ARHGAP32: variants seen among roughly 807,000 people sequenced by gnomAD.
ARHGAP32 encodes the protein rho GTPase-activating protein 32.
Under a neutral mutation model 186.5 loss-of-function variants are expected in ARHGAP32, and 51 were observed. That is an observed-to-expected ratio of 0.27 (90% confidence interval 0.22 to 0.35). The LOEUF is 0.35. Ranked by LOEUF, ARHGAP32 falls within the 10% of genes least tolerant of loss-of-function variation. ARHGAP32 has a pLI of 1.00. For missense variants in ARHGAP32, 2,186 were observed against 2,623.5 expected (o/e 0.83, Z 3.64); for synonymous variants, 950 against 964.3 (o/e 0.99, Z 0.27).
intron 2 of ARHGAP32, among the ~76,000 whole-genome samples, chr11:129,156,949 G>C (rs558497510): frequency 6.6e-6 from 1 of 152,248 alleles, no homozygotes; most frequent in East Asian, 1.9e-4. Context: ...GTCTGGAGTG[G>C]ACATACAGAA....
intron 19 of ARHGAP32, 51 bp downstream of exon 19, chr11:128,978,719 A>G (rs1171927399): frequency 6.4e-7 from 1 of 1,556,666 alleles, no homozygotes; most frequent in African/African-American, 1.4e-5. Context: ...GCCCAGAACA[A>G]CCGAAGACCA....
intron 10 of ARHGAP32, among the ~76,000 whole-genome samples, chr11:129,042,670 C>T (rs1443348001): frequency 1.3e-5 from 2 of 152,088 alleles, no homozygotes; most frequent in African/African-American, 4.8e-5. Context: ...AGTCTCAGGT[C>T]GTAAATTAAA....
chr11:129,076,132 TAAC>T (rs1262201534), intron 6 of ARHGAP32, among the ~76,000 whole-genome samples: 8 of 152,238 alleles, frequency 5.3e-5, no homozygotes, highest in African/African-American at 1.9e-4. Context: ...ACAAATGAGA[TAAC>T]AACGTCAAGA....
intron 1 of ARHGAP32, among the ~76,000 whole-genome samples, chr11:129,226,158 C>G (rs149831592): frequency 7.7e-4 from 117 of 152,190 alleles, no homozygotes; most frequent in African/African-American, 2.7e-3. Flanking sequence ...AACTGTAGGA[C>G]ACCATCAAGC....
At chr11:129,008,209 T>G (rs1463874005) in intron 11 of ARHGAP32, among the ~76,000 whole-genome samples, 1 of 152,088 alleles carries the variant, frequency 6.6e-6, no homozygotes, top group East Asian at 1.9e-4. Context: ...TGATTTTTGG[T>G]TTCTTTGAGG....
chr11:129,100,964 T>G (rs1245776610), intron 5 of ARHGAP32, among the ~76,000 whole-genome samples: 1 of 152,188 alleles, frequency 6.6e-6, no homozygotes, highest in Admixed American at 6.5e-5. Context: ...CACCACACTA[T>G]GAAATGCTTT....
rs202110152 is a variant in ARHGAP32, at chr11:128,978,909, C to A, written c.1983G>T (p.Arg661Ser). The change falls in exon 19 of 23, where the codon AGG becomes AGT. Residue 661 changes from arginine to serine, a missense_variant. Arg to Ser is a moderately radical substitution (Grantham distance 110). Transcript: ENST00000682385. ...GAGACTTTTTCATCTTATTTTGAGG[C>A]CTCTTTCTATGAAAGAGAAAAAATA... Reference protein sequence around the residue: ...TIIEFPLERKRPQNKMKKSPV... With the variant: ...TIIEFPLERKSPQNKMKKSPV... 4 of 1,600,840 alleles carry A rather than the reference C, an allele frequency of 2.5e-6. No individual in the cohort carries two copies. The highest frequency in any genetic ancestry group is 2.3e-5 in the East Asian group (1 of 44,286).
rs191161328 is a variant in ARHGAP32, at chr11:129,086,340, T to C, written c.531+7281A>G. 2.1e-3 allele frequency among the ~76,000 whole-genome samples: 314 copies of C among 152,246 alleles called. 4 individuals are homozygous for C. Among genetic ancestry groups the C allele is most frequent in the Non-Finnish European group, 3.0e-3 (205 of 67,994 alleles). On this transcript the variant is annotated intron_variant, in intron 6 of 22. Transcript: ENST00000682385. ...ACAGAACTATAAAACTCCTAGAAGA[T>C]AATAAAGGAGAAAATCTAGATGACC... is the stretch of plus-strand genomic sequence containing the variant.
intron 1 of ARHGAP32, among the ~76,000 whole-genome samples, chr11:129,262,686 C>G (rs1425540097): frequency 2.6e-5 from 4 of 152,086 alleles, no homozygotes; most frequent in Non-Finnish European, 5.9e-5. Context: ...CACGGGCCAC[C>G]AGGCCCAGCC....
At chr11:128,977,535 T>C (rs536220489) in intron 19 of ARHGAP32, among the ~76,000 whole-genome samples, 2 of 152,282 alleles carry the variant, frequency 1.3e-5, no homozygotes, top group African/African-American at 4.8e-5. Context: ...TCCCATCTCC[T>C]GAAATACCAT....
intron 11 of ARHGAP32, among the ~76,000 whole-genome samples, chr11:129,026,404 T>C (rs1180060391): frequency 6.6e-6 from 1 of 152,186 alleles, no homozygotes. Flanking sequence ...ACTATCCCCC[T>C]ATTTTGGACT....
intron 15 of ARHGAP32, among the ~76,000 whole-genome samples, chr11:128,982,402 T>C (rs1030507165): frequency 6.6e-6 from 1 of 151,996 alleles, no homozygotes; most frequent in Non-Finnish European, 1.5e-5. Flanking sequence ...ATATTGTGAT[T>C]AAACAATAGG....
At chr11:129,216,087 A>G (rs1944640665) in intron 1 of ARHGAP32, among the ~76,000 whole-genome samples, 2 of 152,254 alleles carry the variant, frequency 1.3e-5, no homozygotes, top group African/African-American at 4.8e-5. Context: ...GAGCCTCTGG[A>G]GCGAGCACAA....
chr11:129,229,335 T>G (rs1326236370), intron 1 of ARHGAP32, among the ~76,000 whole-genome samples: 1 of 152,086 alleles, frequency 6.6e-6, no homozygotes, highest in Non-Finnish European at 1.5e-5. Context: ...AGAGGTCACA[T>G]GTAAATATTT....
intron 1 of ARHGAP32, among the ~76,000 whole-genome samples, chr11:129,247,745 T>C (rs1263474711): frequency 6.6e-6 from 1 of 152,138 alleles, no homozygotes; most frequent in African/African-American, 2.4e-5. Context: ...ACTCTTGTAA[T>C]AGCAAAACAG....
intron 5 of ARHGAP32, among the ~76,000 whole-genome samples, chr11:129,108,394 T>C (rs1297391122): frequency 6.6e-6 from 1 of 152,090 alleles, no homozygotes; most frequent in Non-Finnish European, 1.5e-5. Flanking sequence ...AAATGAACAT[T>C]ATATATTGAT....
At chr11:129,264,089 A>G (rs1053846728) in intron 1 of ARHGAP32, among the ~76,000 whole-genome samples, 6 of 152,202 alleles carry the variant, frequency 3.9e-5, no homozygotes, top group African/African-American at 1.4e-4. Context: ...GCATGCTACA[A>G]CATAGATGAA....
At chr11:129,207,035 G>C (rs183579340) in intron 1 of ARHGAP32, among the ~76,000 whole-genome samples, 1 of 152,196 alleles carries the variant, frequency 6.6e-6, no homozygotes, top group East Asian at 1.9e-4. Context: ...CTAGTTTGCT[G>C]AGAATGATGG....
At chr11:129,078,287 G>A (rs1941109287) in intron 6 of ARHGAP32, among the ~76,000 whole-genome samples, 1 of 151,960 alleles carries the variant, frequency 6.6e-6, no homozygotes. Flanking sequence ...GCACTCTGTG[G>A]GACAAAAGAA....
Sources: gnomAD v4.1 joint callset for allele counts (sites outside exome capture counted in the v4.1 genomes callset) on GRCh38, gnomAD v4.1.1 for gene constraint, MANE v1.5 for transcripts, NCBI Gene and HGNC (gene_info 2026-07-23, HGNC 2026-07-21) for gene names.